Variants in MYCBP2 observed in about 807,000 individuals in gnomAD.
The protein encoded by MYCBP2 is E3 ubiquitin-protein ligase MYCBP2.
Under a neutral mutation model 525.3 loss-of-function variants are expected in MYCBP2, and 120 were observed. The observed-to-expected ratio is 0.23, with a 90% confidence interval of 0.20 to 0.27. The LOEUF (loss-of-function observed/expected upper bound fraction) is 0.27, where lower values mean the gene tolerates loss of function less well. MYCBP2 is among the 10% of genes least tolerant of loss of function. The probability of loss-of-function intolerance (pLI) is 1.00; values close to 1 mark genes in which losing one functional copy is unlikely to be tolerated. For synonymous variants in MYCBP2, 1,894 were observed against 1,955.8 expected, an observed-to-expected ratio of 0.97 and a Z score of 0.83; for missense variants, 4,149 against 5,657.1, an observed-to-expected ratio of 0.73 and a Z score of 8.55.
At position 77,050,992 on chromosome 13, in the gene MYCBP2, C is replaced by T; in HGVS notation, c.13921+5G>A. 6.3e-7 allele frequency: 1 copy of T among 1,596,856 alleles called. No homozygotes were observed. Among genetic ancestry groups the T allele is most frequent in the East Asian group, 2.2e-5 (1 of 44,612 alleles). ...AATCGTGATTTTAAAATATTAAAAG[C>T]ATACCTGCAGGACAGTGTGGTAGTT... is the stretch of plus-strand genomic sequence containing the variant. On this transcript the variant is annotated splice_donor_5th_base_variant and intron_variant, in intron 82 of 82. Coordinates refer to ENST00000544440, the MANE Select transcript of MYCBP2 (RefSeq NM_015057.5).
At chr13:77,249,719 C>G (rs73223421) in intron 15 of MYCBP2, among the ~76,000 whole-genome samples, 5 of 151,884 alleles carry the variant, frequency 3.3e-5, no homozygotes, top group Admixed American at 2.0e-4. Flanking sequence ...ATGGAAATAG[C>G]GTTGGAGAGA....
Position 77,150,858 on chromosome 13 carries a change from G to A in MYCBP2, c.7007C>T (p.Ala2336Val), listed in dbSNP as rs749304590. Reference protein sequence around the residue: ...KKPQRIPGSPAVTAASSNTDM... With the variant: ...KKPQRIPGSPVVTAASSNTDM... ...AGTATTAGAAGATGCAGCTGTTACT[G>A]CAGGACTGCCAGGAATCCTTTGAGG... The change falls in exon 47 of 83, where the codon GCA becomes GTA. Residue 2336 changes from alanine to valine, a missense_variant. Physicochemically the swap from Ala to Val is moderately conservative, Grantham distance 64 (BLOSUM62 0). Around this residue, in one of 21 missense-constraint regions of MYCBP2, gnomAD observed 692 missense variants for 852.7 expected, o/e 0.81. Coordinates refer to ENST00000544440, the MANE Select transcript of MYCBP2 (RefSeq NM_015057.5). 2 of 1,614,082 alleles carry A rather than the reference G, an allele frequency of 1.2e-6. No homozygotes were observed. Among genetic ancestry groups the A allele is most frequent in the Non-Finnish European group, 1.7e-6 (2 of 1,179,984 alleles).
intron 55 of MYCBP2, among the ~76,000 whole-genome samples, chr13:77,106,958 C>T (rs1412782306): frequency 6.6e-6 from 1 of 152,130 alleles, no homozygotes; most frequent in Non-Finnish European, 1.5e-5. Flanking sequence ...ATAAATAAGT[C>T]TTGTGACAAT....
At chr13:77,123,037 G>T (rs971274407) in intron 54 of MYCBP2, among the ~76,000 whole-genome samples, 1 of 152,160 alleles carries the variant, frequency 6.6e-6, no homozygotes, top group Non-Finnish European at 1.5e-5. Context: ...CAGTAACTTT[G>T]CCTACTACAG....
At chr13:77,186,746 T>C (rs1208151998) in intron 30 of MYCBP2, among the ~76,000 whole-genome samples, 1 of 151,966 alleles carries the variant, frequency 6.6e-6, no homozygotes, top group African/African-American at 2.4e-5. Flanking sequence ...AGCAGAGCAC[T>C]TACTGCCCCA....
rs376996843 is a variant in MYCBP2 at position 77,065,997 on chromosome 13, C to A, written c.12547G>T (p.Ala4183Ser). 6.2e-7 allele frequency: 1 copy of A among 1,610,434 alleles called. No homozygotes were observed. The highest frequency in any genetic ancestry group is 8.5e-7 in the Non-Finnish European group (1 of 1,177,916). ...EIIIKLIKDM[A>S]AGHLSEAWSR... is the part of the protein sequence containing the mutation. ...ACAGAAGAATGGGAACTTACTGCTG[C>A]CATATCCTTGATAAGTTTAATGATG... The change falls in exon 72 of 83, where the codon GCA becomes TCA. Residue 4183 changes from alanine to serine, a missense_variant. Around this residue, in one of 21 missense-constraint regions of MYCBP2, gnomAD observed 148 missense variants for 179.4 expected, o/e 0.82. Coordinates refer to ENST00000544440, the MANE Select transcript of MYCBP2 (RefSeq NM_015057.5).
At chr13:77,177,334 C>CTTTTTTTTTTTTTTT (rs748460042) in intron 35 of MYCBP2, among the ~76,000 whole-genome samples, 2 of 122,896 alleles carry the variant, frequency 1.6e-5, no homozygotes, top group Non-Finnish European at 3.4e-5. Context: ...TCTTTTCTTT[C>CTTTTTTTTTTTTTTT]TTTTTTTTTT....
Position 77,058,321 on chromosome 13 carries a change from C to T in MYCBP2, c.13226G>A (p.Cys4409Tyr). ...GVKNEEHCLP[C>Y]LHGCDKSATS... is the part of the protein sequence containing the mutation. ...GGCACTTTTGTCACAGCCGTGTAGA[C>T]AGGGCAGACAGTGCTCTTCGTTTTT... The change falls in exon 78 of 83, where the codon TGT becomes TAT. Residue 4409 changes from cysteine (C) to tyrosine (Y), a missense_variant. By Grantham distance (194) the Cys-to-Tyr change is radical. This residue lies in a region of MYCBP2 where 220 missense variants were observed against 396.0 expected (regional missense o/e 0.56). Coordinates refer to ENST00000544440, the MANE Select transcript of MYCBP2 (RefSeq NM_015057.5). This position sits in a 1 kb window ranked among gnomAD's most constrained non-coding sequence, Gnocchi z 4.1. 1 of 1,614,110 alleles carries T rather than the reference C, an allele frequency of 6.2e-7. No individual in the cohort carries two copies. The highest frequency in any genetic ancestry group is 8.5e-7 in the Non-Finnish European group (1 of 1,180,016).
At chr13:77,061,054 T>C in intron 76 of MYCBP2, 115 bp downstream of exon 76, 2 of 1,119,190 alleles carry the variant, frequency 1.8e-6, no homozygotes, top group African/African-American at 3.2e-5. Context: ...AGATCAATGA[T>C]GTCATAATTA....
intron 23 of MYCBP2, among the ~76,000 whole-genome samples, chr13:77,209,954 T>C (rs568061415): frequency 8.5e-5 from 13 of 152,298 alleles, no homozygotes; most frequent in African/African-American, 3.1e-4. Flanking sequence ...CTGATGAGAA[T>C]GCAAGCAGGC....
rs1567104361 is a variant in MYCBP2, at chr13:77,267,854, A to G, written c.1344T>C (p.Thr448=). ...CTTGAAACATACCTGGTAACATCACAGTACCATCTTGCTCCAGTGTTTCAG... is the reference window on the plus strand; with the variant it reads ...CTTGAAACATACCTGGTAACATCACGGTACCATCTTGCTCCAGTGTTTCAG... The part of the protein sequence containing the change: ...ISPETLEQDG[T]VMLPDCHTEG... Residue 448 remains threonine, a synonymous_variant, in exon 8 of 83, where the codon ACT becomes ACC. Coordinates refer to ENST00000544440, the MANE Select transcript of MYCBP2 (RefSeq NM_015057.5). 2 of 1,612,766 alleles carry G rather than the reference A, an allele frequency of 1.2e-6. No homozygotes were observed. The highest frequency in any genetic ancestry group is 2.2e-5 in the South Asian group (2 of 91,038).
chr13:77,270,582 G>C (rs751511791), intron 5 of MYCBP2, 44 bp from the exon 6 acceptor site: 1 of 1,531,162 alleles, frequency 6.5e-7, no homozygotes, highest in Admixed American at 2.0e-5. Context: ...ATTTTTAAAT[G>C]TTACAAACAC....
At chr13:77,095,767 G>A (rs2046146707) in intron 57 of MYCBP2, among the ~76,000 whole-genome samples, 165 bp from the exon 58 acceptor site, 1 of 151,958 alleles carries the variant, frequency 6.6e-6, no homozygotes, top group Admixed American at 6.6e-5. Flanking sequence ...TTCATCCTGG[G>A]CTGACCAAGA....
chr13:77,152,529 T>C (rs2056622525), intron 46 of MYCBP2, among the ~76,000 whole-genome samples: 2 of 152,186 alleles, frequency 1.3e-5, no homozygotes, highest in South Asian at 4.1e-4. Flanking sequence ...GTTGCCTTTT[T>C]GGCCAGCCCT....
At chr13:77,071,864 T>G (rs1186052871) in intron 68 of MYCBP2, among the ~76,000 whole-genome samples, 1 of 152,228 alleles carries the variant, frequency 6.6e-6, no homozygotes, top group African/African-American at 2.4e-5. Flanking sequence ...ACTGAAATTA[T>G]ACGAAGTATA....
At chr13:77,061,435 T>G (rs2039280275) in intron 75 of MYCBP2, 134 bp from the exon 76 acceptor site, 1 of 917,902 alleles carries the variant, frequency 1.1e-6, no homozygotes, top group Non-Finnish European at 1.6e-6. Flanking sequence ...ATTTCCAATC[T>G]TCTCTTTAAT....
intron 54 of MYCBP2, among the ~76,000 whole-genome samples, chr13:77,124,095 G>A (rs1419031227): frequency 6.6e-6 from 1 of 152,134 alleles, no homozygotes; most frequent in African/African-American, 2.4e-5. Flanking sequence ...CTCAAGTTGT[G>A]CTCAATGTGT....
chr13:77,060,628 T>C (rs1201104787), intron 76 of MYCBP2, among the ~76,000 whole-genome samples: 1 of 152,214 alleles, frequency 6.6e-6, no homozygotes, highest in Non-Finnish European at 1.5e-5. Context: ...ACATTTAACA[T>C]ACATAGGTTA....
chr13:77,294,107 T>TATATATATATATAC lies in MYCBP2; in HGVS notation c.378+2491_378+2492insGTATATATATATAT, dbSNP rs1555465500. On this transcript the variant is annotated intron_variant, in intron 2 of 82. Transcript: ENST00000544440. Reference sequence around the variant, plus strand: ...AGCCATAAAGTAGATATAATGGCTATATATATATATATATATATATATACA... The same window carrying TATATATATATATAC: ...AGCCATAAAGTAGATATAATGGCTATATATATATATATACATATATATATATATATATATATACA... Among the ~76,000 whole-genome samples the TATATATATATATAC allele has an allele frequency of 1.1e-4, 5 of 43,890 alleles. No homozygotes were observed. In the East Asian group the frequency reaches 1.8e-3, roughly 16 times the overall value. The allele number at this position is 43,890 out of a possible 152,430, so 28.8% of individuals were successfully genotyped here. A position where few individuals can be genotyped will look rare whatever the true frequency, so the allele number is the denominator to read the frequency against.
Sources: gnomAD v4.1 joint callset for allele counts (sites outside exome capture counted in the v4.1 genomes callset) on GRCh38, gnomAD v4.1.1 for gene constraint, gnomAD v4.1.1 regional missense constraint, Gnocchi (gnomAD v3.1) non-coding constraint, MANE v1.5 for transcripts, NCBI Gene and HGNC (gene_info 2026-07-23, HGNC 2026-07-21) for gene names.